CTNNBIP1: variants seen among roughly 807,000 people sequenced by gnomAD.
CTNNBIP1 encodes the protein beta-catenin-interacting protein 1.
Under a neutral mutation model 11.8 loss-of-function variants are expected in CTNNBIP1, and 7 were observed. The ratio of observed to expected loss-of-function variants is 0.60; its 90% CI spans 0.34 to 1.12. The LOEUF is 1.12. Among genes scored for constraint, CTNNBIP1 ranks in the 50% most tolerant of loss-of-function variants. The pLI is 0.03. For synonymous variants in CTNNBIP1, 58 were observed against 43.9 expected (o/e 1.32, Z -1.26); for missense variants, 101 against 113.4 (o/e 0.89, Z 0.50).
At position 9,897,463 on chromosome 1, in the gene CTNNBIP1, A is replaced by G. The variant is rs138980368; in HGVS notation, c.-144+12632T>C. ...AGCGAGACTCCGTCTCAAAAAACAAAAACAAAAACAAAAACAAAACAAAAC... is the reference window on the plus strand; with the variant it reads ...AGCGAGACTCCGTCTCAAAAAACAAGAACAAAAACAAAAACAAAACAAAAC... On this transcript the variant is annotated intron_variant, in intron 1 of 5. Transcript: ENST00000377263. 8.9e-3 allele frequency among the ~76,000 whole-genome samples: 1,344 copies of G among 150,950 alleles called. 55 individuals carry two copies. In the East Asian group the frequency reaches 0.098, roughly 11 times the overall value.
Position 9,850,080 on chromosome 1 carries a change from G to A in CTNNBIP1, c.*638C>T, listed in dbSNP as rs1638346332. On this transcript the variant is annotated 3_prime_UTR_variant, in exon 6 of 6. Transcript: ENST00000377263. ...CAATGGGAAACCAAACACACGCATC[G>A]AAAGCCAATCAAACACAAACCCCAA... is the stretch of plus-strand genomic sequence containing the variant. 6.6e-6 allele frequency: 1 copy of A among 152,576 alleles called. No homozygotes were observed. Among genetic ancestry groups the A allele is most frequent in the Non-Finnish European group, 1.5e-5 (1 of 68,056 alleles). The allele number at this position is 152,576 out of a possible 1,614,324, so 9.5% of individuals were successfully genotyped here. A position where few individuals can be genotyped will look rare whatever the true frequency, so the allele number is the denominator to read the frequency against.
chr1:9,872,395 G>C lies in CTNNBIP1; in HGVS notation c.-24-307C>G, dbSNP rs1057069137. Among the ~76,000 whole-genome samples, 15 of 152,238 alleles carry C rather than the reference G, an allele frequency of 9.9e-5. No individual in the cohort carries two copies. Among genetic ancestry groups the C allele is most frequent in the Admixed American group, 9.2e-4 (14 of 15,292 alleles). On this transcript the variant is annotated intron_variant, in intron 3 of 5. Transcript: ENST00000377263. The surrounding 1 kb of genome is among the most constrained non-coding windows in gnomAD (Gnocchi z 4.0). ...CCTGGACTGCTGGTTGTTTCTACCT[G>C]TGAATCACCCCAGAGCAAAGCTCCT...
At chr1:9,900,169 C>T (rs763542399) in intron 1 of CTNNBIP1, among the ~76,000 whole-genome samples, 5 of 152,092 alleles carry the variant, frequency 3.3e-5, no homozygotes, top group African/African-American at 7.2e-5. Flanking sequence ...TTTGGAAGGC[C>T]GAGGCGAGCA....
chr1:9,878,469 C>T (rs942035636), intron 2 of CTNNBIP1, among the ~76,000 whole-genome samples: 4 of 152,224 alleles, frequency 2.6e-5, no homozygotes, highest in African/African-American at 9.6e-5. Context: ...GTATATGTGT[C>T]TGTGTGCTTC....
chr1:9,894,295 TCTC>T (rs1639364828), intron 1 of CTNNBIP1, among the ~76,000 whole-genome samples: 1 of 152,190 alleles, frequency 6.6e-6, no homozygotes, highest in Non-Finnish European at 1.5e-5. Flanking sequence ...TCAGCACAGA[TCTC>T]CTAAGGCCAT....
intron 2 of CTNNBIP1, among the ~76,000 whole-genome samples, chr1:9,878,824 T>C (rs1013418712): frequency 6.6e-6 from 1 of 152,170 alleles, no homozygotes; most frequent in Admixed American, 6.5e-5. Flanking sequence ...CTCCAAGGCA[T>C]GTATCAATCA....
rs370356296 is a variant in CTNNBIP1, at chr1:9,895,589, G to C, written c.-143-11851C>G. On this transcript the variant is annotated intron_variant, in intron 1 of 5. Coordinates refer to ENST00000377263, the MANE Select transcript of CTNNBIP1 (RefSeq NM_020248.3). Reference sequence around the variant, plus strand: ...CGGCTCACTGCAACCTCCGCCTCCCGGGTTCAAGCGATTCCATTGCCTCAG... The same window carrying C: ...CGGCTCACTGCAACCTCCGCCTCCCCGGTTCAAGCGATTCCATTGCCTCAG... Among the ~76,000 whole-genome samples, 51 of 152,208 alleles carry C rather than the reference G, an allele frequency of 3.4e-4. 1 individual carries two copies. Among genetic ancestry groups the C allele is most frequent in the African/African-American group, 1.2e-3 (49 of 41,518 alleles).
At chr1:9,860,496 G>GCTA (rs1638603367) in intron 5 of CTNNBIP1, among the ~76,000 whole-genome samples, 1 of 146,588 alleles carries the variant, frequency 6.8e-6, no homozygotes, top group Admixed American at 6.9e-5. Flanking sequence ...TGTAGTCCCA[G>GCTA]CTACTTGGGA....
intron 1 of CTNNBIP1, among the ~76,000 whole-genome samples, chr1:9,890,592 G>A (rs139949756): frequency 1.3e-5 from 2 of 152,266 alleles, no homozygotes; most frequent in East Asian, 3.9e-4. Context: ...TTCCAGAGGG[G>A]TTACTAATGC....
chr1:9,901,854 A>G (rs1327463007), intron 1 of CTNNBIP1, among the ~76,000 whole-genome samples: 1 of 152,186 alleles, frequency 6.6e-6, no homozygotes, highest in Non-Finnish European at 1.5e-5. Flanking sequence ...TGCCACATAC[A>G]GTGACATGAC....
intron 1 of CTNNBIP1, among the ~76,000 whole-genome samples, chr1:9,888,549 CA>C (rs560557231): frequency 0.04 from 5,320 of 132,690 alleles, 275 homozygotes; most frequent in African/African-American, 0.13. Context: ...AAGACTGCCT[CA>C]AAAAAAAAAA....
At chr1:9,900,254 G>A (rs1639496307) in intron 1 of CTNNBIP1, among the ~76,000 whole-genome samples, 1 of 149,498 alleles carries the variant, frequency 6.7e-6, no homozygotes, top group Non-Finnish European at 1.5e-5. Context: ...AATTAGCACA[G>A]CATGGTGGCA....
chr1:9,899,214 G>A (rs542831800), intron 1 of CTNNBIP1, among the ~76,000 whole-genome samples: 1 of 152,280 alleles, frequency 6.6e-6, no homozygotes, highest in South Asian at 2.1e-4. Flanking sequence ...CCAGCACTTT[G>A]GGAGGCCAAG....
chr1:9,908,422 G>A (rs1323936725), intron 1 of CTNNBIP1, among the ~76,000 whole-genome samples: 6 of 142,752 alleles, frequency 4.2e-5, no homozygotes, highest in African/African-American at 8.0e-5. Context: ...CGCCCAGACT[G>A]GAGTGCAGTG....
chr1:9,864,944 C>T (rs1347172212), intron 5 of CTNNBIP1, among the ~76,000 whole-genome samples: 1 of 152,210 alleles, frequency 6.6e-6, no homozygotes, highest in Non-Finnish European at 1.5e-5. Flanking sequence ...AAGCATGTGG[C>T]TGGGCTGGGC....
At chr1:9,894,254 A>C (rs1380449709) in intron 1 of CTNNBIP1, among the ~76,000 whole-genome samples, 1 of 152,198 alleles carries the variant, frequency 6.6e-6, no homozygotes, top group Non-Finnish European at 1.5e-5. Flanking sequence ...CTGAAAGTCA[A>C]TTGCAGAGAT....
chr1:9,867,665 G>A lies in CTNNBIP1; in HGVS notation c.187+3522C>T, dbSNP rs1638775360. 6.6e-6 allele frequency among the ~76,000 whole-genome samples: 1 copy of A among 152,174 alleles called. No individual in the cohort carries two copies. The highest frequency in any genetic ancestry group is 1.5e-5 in the Non-Finnish European group (1 of 68,028). On this transcript the variant is annotated intron_variant, in intron 5 of 5. Coordinates refer to ENST00000377263, the MANE Select transcript of CTNNBIP1 (RefSeq NM_020248.3). This position sits in a 1 kb window ranked among gnomAD's most constrained non-coding sequence, Gnocchi z 4.6. ...GCTGAGAGACAGCGCCACCTAGTGG[G>A]CAGGAGGTGCACGCCAGGCCATTAC...
chr1:9,872,931 G>A lies in CTNNBIP1; in HGVS notation c.-24-843C>T, dbSNP rs1340797878. Among the ~76,000 whole-genome samples the A allele has an allele frequency of 1.3e-5, 2 of 152,154 alleles. No individual in the cohort carries two copies. Among genetic ancestry groups the A allele is most frequent in the African/African-American group, 2.4e-5 (1 of 41,410 alleles). The stretch of plus-strand genomic sequence containing the variant: ...AGTCAGAAATAACGCAGCAGCTGCT[G>A]GGGTGGAGCCTTATCAGCCCTGGTG... On this transcript the variant is annotated intron_variant, in intron 3 of 5. Transcript: ENST00000377263. The surrounding 1 kb of genome is among the most constrained non-coding windows in gnomAD (Gnocchi z 4.0).
At chr1:9,870,152 C>G (rs1353662614) in intron 5 of CTNNBIP1, among the ~76,000 whole-genome samples, 3 of 152,250 alleles carry the variant, frequency 2.0e-5, no homozygotes, top group African/African-American at 7.2e-5. Flanking sequence ...GGCTGGTGAT[C>G]TAGGTCAGGC....
Sources: gnomAD v4.1 joint callset for allele counts (sites outside exome capture counted in the v4.1 genomes callset) on GRCh38, gnomAD v4.1.1 for gene constraint, Gnocchi (gnomAD v3.1) non-coding constraint, MANE v1.5 for transcripts, NCBI Gene and HGNC (gene_info 2026-07-23, HGNC 2026-07-21) for gene names.